Variants in HMGA2 observed in about 807,000 individuals in gnomAD.
HMGA2 encodes high mobility group protein HMGI-C.
A neutral mutation model predicts 19.1 loss-of-function variants in HMGA2; 8 were observed. The observed-to-expected ratio is 0.42, with a 90% CI of 0.25 to 0.76. HMGA2 has a LOEUF of 0.76. HMGA2 is among the 30% of genes least tolerant of loss of function. The probability of loss-of-function intolerance (pLI) is 0.28; values close to 1 mark genes in which losing one functional copy is unlikely to be tolerated. For missense variants in HMGA2, 109 were observed against 136.3 expected (o/e 0.80, Z 1.00); for synonymous variants, 60 against 48.8 (o/e 1.23, Z -0.96).
intron 3 of HMGA2, among the ~76,000 whole-genome samples, chr12:65,938,594 A>G (rs1294074476): frequency 6.6e-6 from 1 of 152,184 alleles, no homozygotes; most frequent in Non-Finnish European, 1.5e-5. Flanking sequence ...CTCCCTTATT[A>G]GAGAAAAGAA....
At position 65,834,140 on chromosome 12, in the gene HMGA2, C is replaced by T. The variant is rs74097804; in HGVS notation, c.199-4379C>T. On this transcript the variant is annotated intron_variant, in intron 2 of 4. Coordinates refer to ENST00000403681, the MANE Select transcript of HMGA2 (RefSeq NM_003483.6). Reference sequence around the variant, plus strand: ...GTTTGAATTCACTTTAATTCTAAAGCTTATACTCTTTCCACTACCATGTGC... The same window carrying T: ...GTTTGAATTCACTTTAATTCTAAAGTTTATACTCTTTCCACTACCATGTGC... Among the ~76,000 whole-genome samples, 1,416 of 152,266 alleles carry T rather than the reference C, an allele frequency of 9.3e-3. 26 individuals are homozygous for T. Among genetic ancestry groups the T allele is most frequent in the African/African-American group, 0.033 (1,363 of 41,546 alleles).
intron 3 of HMGA2, among the ~76,000 whole-genome samples, chr12:65,872,646 C>G (rs1389092719): frequency 5.3e-5 from 8 of 152,212 alleles, no homozygotes; most frequent in Admixed American, 5.2e-4. Flanking sequence ...TACATTCCCA[C>G]TGCCACATTC....
chr12:65,860,352 T>C (rs1871991758), intron 3 of HMGA2, among the ~76,000 whole-genome samples: 1 of 152,196 alleles, frequency 6.6e-6, no homozygotes, highest in African/African-American at 2.4e-5. Context: ...ACAGAATGGT[T>C]GTATGGATAT....
At chr12:65,947,260 C>T (rs1444555704) in intron 3 of HMGA2, among the ~76,000 whole-genome samples, 1 of 152,066 alleles carries the variant, frequency 6.6e-6, no homozygotes, top group Non-Finnish European at 1.5e-5. Flanking sequence ...GCTGGGAGTA[C>T]AGGCATGCGC....
chr12:65,867,003 A>T lies in HMGA2; in HGVS notation c.249+28434A>T, dbSNP rs75103494. The T allele has an allele frequency of 2.6e-3, 1,171 of 455,398 alleles. 13 individuals are homozygous for T. Among genetic ancestry groups the T allele is most frequent in the African/African-American group, 0.019 (934 of 50,068 alleles). The allele number at this position is 455,398 out of a possible 1,614,324, so 28.2% of individuals were successfully genotyped here. ...ATTGAAGGGGGAGAAATCAGTTCTG[A>T]TTTTCTAGTTTCTAAACACTGCAGA... On this transcript the variant is annotated intron_variant, in intron 3 of 4. Coordinates refer to ENST00000403681, the MANE Select transcript of HMGA2 (RefSeq NM_003483.6).
chr12:65,880,197 G>A (rs1873298873), intron 3 of HMGA2, among the ~76,000 whole-genome samples: 1 of 152,084 alleles, frequency 6.6e-6, no homozygotes, highest in Admixed American at 6.6e-5. Flanking sequence ...TTTTTCACGG[G>A]GAAAATCCTA....
At chr12:65,905,886 TATAG>T (rs1874571112) in intron 3 of HMGA2, among the ~76,000 whole-genome samples, 1 of 152,174 alleles carries the variant, frequency 6.6e-6, no homozygotes, top group African/African-American at 2.4e-5. Flanking sequence ...AAAAGCTAAA[TATAG>T]AGTCTCATTT....
intron 3 of HMGA2, among the ~76,000 whole-genome samples, chr12:65,930,909 G>A (rs973924462): frequency 1.3e-5 from 2 of 152,178 alleles, no homozygotes; most frequent in African/African-American, 4.8e-5. Flanking sequence ...GACAAGAAAA[G>A]GGATATGGTG....
chr12:65,863,604 A>G (rs966473309), intron 3 of HMGA2, among the ~76,000 whole-genome samples: 1 of 152,202 alleles, frequency 6.6e-6, no homozygotes, highest in Admixed American at 6.5e-5. Context: ...TATCCTTTGC[A>G]TGGACCAGAT....
Position 65,864,995 on chromosome 12 carries a change from C to A in HMGA2, c.249+26426C>A, listed in dbSNP as rs569413229. The stretch of plus-strand genomic sequence containing the variant: ...TCTTCTCCCTCTTCTGCCTCTGTTA[C>A]CCCTGAAACAGCAAGACCAACCCCT... On this transcript the variant is annotated intron_variant, in intron 3 of 4. Transcript: ENST00000403681. 6.6e-5 allele frequency among the ~76,000 whole-genome samples: 10 copies of A among 152,238 alleles called. No homozygotes were observed. In the East Asian group the frequency reaches 1.7e-3, roughly 26 times the overall value.
At chr12:65,847,812 C>T (rs539902133) in intron 3 of HMGA2, among the ~76,000 whole-genome samples, 1 of 152,278 alleles carries the variant, frequency 6.6e-6, no homozygotes, top group Admixed American at 6.5e-5. Flanking sequence ...CATAATGGTG[C>T]TTACTAAATG....
chr12:65,914,367 A>G (rs1874980297), intron 3 of HMGA2, among the ~76,000 whole-genome samples: 1 of 151,968 alleles, frequency 6.6e-6, no homozygotes, highest in African/African-American at 2.4e-5. Flanking sequence ...ATTGGAAATC[A>G]TCATTCTCAG....
chr12:65,825,475 T>C lies in HMGA2; in HGVS notation c.111+94T>C. On this transcript the variant is annotated intron_variant, in intron 1 of 4. Coordinates refer to ENST00000403681, the MANE Select transcript of HMGA2 (RefSeq NM_003483.6). The surrounding 1 kb of genome is among the most constrained non-coding windows in gnomAD (Gnocchi z 4.4). ...GGGCGGCCGGAGTGCGGGAGCCCAG[T>C]CGCCGCGGCCGTCGCACACTGCCCG... 4.8e-6 allele frequency: 4 copies of C among 831,292 alleles called. No individual in the cohort carries two copies. Among genetic ancestry groups the C allele is most frequent in the Non-Finnish European group, 6.6e-6 (4 of 609,194 alleles). 51.5% of individuals were successfully genotyped at this position (831,292 alleles called of 1,614,324 possible).
intron 3 of HMGA2, among the ~76,000 whole-genome samples, chr12:65,927,010 C>T (rs1054756355): frequency 2.0e-5 from 3 of 152,168 alleles, no homozygotes; most frequent in African/African-American, 7.2e-5. Context: ...ATTGGAGACT[C>T]CTAGGTGAAT....
intron 4 of HMGA2, chr12:65,956,223 A>G (rs1825137957): frequency 6.6e-6 from 1 of 152,206 alleles, no homozygotes; most frequent in South Asian, 2.1e-4. Context: ...TTTCTTGCTT[A>G]TGCACTTTCA....
At chr12:65,944,849 A>T (rs1172830242) in intron 3 of HMGA2, among the ~76,000 whole-genome samples, 1 of 152,086 alleles carries the variant, frequency 6.6e-6, no homozygotes, top group African/African-American at 2.4e-5. Flanking sequence ...GAGGGTTTGC[A>T]TCTAGAAATC....
chr12:65,827,916 A>C (rs1398426232), intron 1 of HMGA2, 85 bp from the exon 2 acceptor site: 3 of 923,026 alleles, frequency 3.3e-6, no homozygotes, highest in African/African-American at 1.6e-5. Flanking sequence ...TGAGCAGCAC[A>C]TGCAGAAAAT....
intron 3 of HMGA2, among the ~76,000 whole-genome samples, chr12:65,889,209 GA>G (rs761054144): frequency 6.6e-5 from 10 of 152,136 alleles, no homozygotes; most frequent in Non-Finnish European, 1.3e-4. Context: ...CTTTTGGTAA[GA>G]CTCATTTTTG....
chr12:65,894,912 A>G (rs984550409), intron 3 of HMGA2, among the ~76,000 whole-genome samples: 1 of 152,192 alleles, frequency 6.6e-6, no homozygotes, highest in Non-Finnish European at 1.5e-5. Context: ...ATAAGAAGTG[A>G]GTGTGGAGAA....
Sources: allele counts gnomAD v4.1 joint callset (sites outside exome capture counted in the v4.1 genomes callset), GRCh38; gene constraint gnomAD v4.1.1; non-coding constraint Gnocchi (gnomAD v3.1); transcripts MANE v1.5; gene names NCBI Gene and HGNC (gene_info 2026-07-23, HGNC 2026-07-21).